DLGAP1: variants seen among roughly 807,000 people sequenced by gnomAD.
DLGAP1 encodes DLG associated protein 1.
DLGAP1 carries 11 observed loss-of-function variants against 90.8 expected under a neutral mutation model. That is an observed-to-expected ratio of 0.12 (90% CI 0.08 to 0.20). The LOEUF (loss-of-function observed/expected upper bound fraction) is 0.20, where lower values mean the gene tolerates loss of function less well. DLGAP1 is among the 10% of genes least tolerant of loss of function. DLGAP1 has a pLI of 1.00. For synonymous variants in DLGAP1, 558 were observed against 540.7 expected, an observed-to-expected ratio of 1.03 and a Z score of -0.44; for missense variants, 1,050 against 1,333.8, an observed-to-expected ratio of 0.79 and a Z score of 3.31.
chr18:4,168,864 G>A (rs954171310), intron 1 of DLGAP1, among the ~76,000 whole-genome samples: 6 of 152,168 alleles, frequency 3.9e-5, no homozygotes, highest in Non-Finnish European at 8.8e-5. Context: ...AACTACTGGT[G>A]TACACCACTA....
rs190352368 is a variant in DLGAP1 at position 3,617,947 on chromosome 18, G to C, written c.1592-35699C>G. ...AGCTACTCAGGAGATTGAGGTAGGA[G>C]AATTGTTTGAACCCGGGAGGCGGAG... is the stretch of plus-strand genomic sequence containing the variant. On this transcript the variant is annotated intron_variant, in intron 7 of 12. Coordinates refer to ENST00000315677, the MANE Select transcript of DLGAP1 (RefSeq NM_004746.4). 2.0e-5 allele frequency among the ~76,000 whole-genome samples: 3 copies of C among 152,234 alleles called. No individual in the cohort carries two copies. The East Asian group carries it at 5.8e-4, about 29-fold the overall frequency.
intron 2 of DLGAP1, among the ~76,000 whole-genome samples, chr18:4,011,261 C>T (rs112211973): frequency 1.2e-4 from 18 of 151,822 alleles, no homozygotes; most frequent in African/African-American, 4.1e-4. Flanking sequence ...ATGGTGACCC[C>T]GCTTTTATAA....
chr18:3,568,723 G>GT (rs2054575910), intron 8 of DLGAP1, among the ~76,000 whole-genome samples: 2 of 152,156 alleles, frequency 1.3e-5, no homozygotes, highest in Admixed American at 1.3e-4. Context: ...GTCTCACTTT[G>GT]TTACCCAGGC....
At chr18:3,578,655 A>AT (rs35788121) in intron 8 of DLGAP1, among the ~76,000 whole-genome samples, 23,495 of 148,838 alleles carry the variant, frequency 0.16, 1,854 homozygotes, top group African/African-American at 0.18. Context: ...GCACCCGGCC[A>AT]TTTTTTTTTT....
chr18:4,252,350 G>A (rs2078797311), intron 1 of DLGAP1, among the ~76,000 whole-genome samples: 1 of 152,184 alleles, frequency 6.6e-6, no homozygotes, highest in South Asian at 2.1e-4. Context: ...CCTGATACAT[G>A]AGCAATTTGG....
intron 1 of DLGAP1, among the ~76,000 whole-genome samples, chr18:4,354,698 AT>A (rs934221509): frequency 2.0e-5 from 3 of 151,760 alleles, no homozygotes; most frequent in Non-Finnish European, 2.9e-5. Flanking sequence ...ACTGCTCCTC[AT>A]CTTCATGGGT....
At position 4,378,082 on chromosome 18, in the gene DLGAP1, T is replaced by C. The variant is rs1379937145; in HGVS notation, c.-267+76924A>G. ...TATTATAAAATATATATATCACTTTTCAATCTTTTTTCTAATATATAACAT... is the reference window on the plus strand; with the variant it reads ...TATTATAAAATATATATATCACTTTCCAATCTTTTTTCTAATATATAACAT... On this transcript the variant is annotated intron_variant, in intron 1 of 12. Coordinates refer to ENST00000315677, the MANE Select transcript of DLGAP1 (RefSeq NM_004746.4). This position sits in a 1 kb window ranked among gnomAD's most constrained non-coding sequence, Gnocchi z 4.5. 3.4e-5 allele frequency among the ~76,000 whole-genome samples: 5 copies of C among 148,736 alleles called. No individual in the cohort carries two copies. The highest frequency in any genetic ancestry group is 6.7e-5 in the Admixed American group (1 of 14,834).
chr18:4,053,788 A>T (rs1442372), intron 2 of DLGAP1, among the ~76,000 whole-genome samples: 31,508 of 152,152 alleles, frequency 0.21, 3,448 homozygotes, highest in Admixed American at 0.28. Context: ...CTTTATACCA[A>T]TGTGAGAATG....
chr18:4,304,600 A>C (rs1296817005), intron 1 of DLGAP1, among the ~76,000 whole-genome samples: 1 of 152,244 alleles, frequency 6.6e-6, no homozygotes, highest in Non-Finnish European at 1.5e-5. Context: ...ATGTATTCTA[A>C]AGTTACTATC....
intron 1 of DLGAP1, among the ~76,000 whole-genome samples, chr18:4,348,014 A>G (rs1177154569): frequency 6.6e-6 from 1 of 152,154 alleles, no homozygotes; most frequent in Non-Finnish European, 1.5e-5. Context: ...CTTCATGTAC[A>G]TTGCATTATA....
intron 7 of DLGAP1, among the ~76,000 whole-genome samples, chr18:3,667,766 C>T (rs1348382076): frequency 1.3e-5 from 2 of 152,166 alleles, no homozygotes; most frequent in Non-Finnish European, 2.9e-5. Flanking sequence ...GAGTTCCACC[C>T]CCAAGGCTAG....
rs1468526153 is a variant in DLGAP1 at position 3,656,155 on chromosome 18, A to T, written c.1591+72980T>A. 3.3e-6 allele frequency: 5 copies of T among 1,529,208 alleles called. No homozygotes were observed. In the South Asian group the frequency reaches 6.2e-5, roughly 19 times the overall value. 94.7% of individuals were successfully genotyped at this position (1,529,208 alleles called of 1,614,324 possible). On this transcript the variant is annotated intron_variant, in intron 7 of 12. Transcript: ENST00000315677. ...AAGTGGCAGTTATATAATGGACCCAAATCGCCTTTTCCAGGCTTCTCATAA... is the reference window on the plus strand; with the variant it reads ...AAGTGGCAGTTATATAATGGACCCATATCGCCTTTTCCAGGCTTCTCATAA...
At chr18:3,583,975 G>A (rs1461883920) in intron 7 of DLGAP1, among the ~76,000 whole-genome samples, 1 of 152,022 alleles carries the variant, frequency 6.6e-6, no homozygotes, top group Non-Finnish European at 1.5e-5. Context: ...CTGAATCTAG[G>A]CTGCTGAGTA....
At chr18:3,642,284 C>T (rs2058969304) in intron 7 of DLGAP1, among the ~76,000 whole-genome samples, 1 of 152,122 alleles carries the variant, frequency 6.6e-6, no homozygotes, top group Non-Finnish European at 1.5e-5. Flanking sequence ...GTTGAGCATC[C>T]CAAATCTGAA....
chr18:4,033,128 G>A (rs998929012), intron 2 of DLGAP1, among the ~76,000 whole-genome samples: 1 of 151,888 alleles, frequency 6.6e-6, no homozygotes, highest in Admixed American at 6.6e-5. Context: ...CCTAGTTTCT[G>A]CCCTAATCAT....
At chr18:3,940,618 C>T (rs1456296769) in intron 3 of DLGAP1, among the ~76,000 whole-genome samples, 3 of 152,122 alleles carry the variant, frequency 2.0e-5, no homozygotes, top group Middle Eastern at 3.2e-3. Context: ...AATAAGTAAC[C>T]ACCTAGTTCA....
intron 4 of DLGAP1, among the ~76,000 whole-genome samples, chr18:3,869,018 G>C (rs1179539999): frequency 6.6e-6 from 1 of 152,168 alleles, no homozygotes; most frequent in Non-Finnish European, 1.5e-5. Context: ...ATGGTGGATA[G>C]AGTTCCCTTG....
At chr18:3,772,374 T>TTC (rs1568109141) in intron 5 of DLGAP1, among the ~76,000 whole-genome samples, 1 of 15,658 alleles carries the variant, frequency 6.4e-5, no homozygotes, top group Non-Finnish European at 2.7e-4. Context: ...CTTTCTTTCT[T>TTC]TCTTTCTTTC....
intron 2 of DLGAP1, among the ~76,000 whole-genome samples, chr18:4,077,765 AT>A (rs2075544996): frequency 6.6e-6 from 1 of 152,206 alleles, no homozygotes; most frequent in Non-Finnish European, 1.5e-5. Context: ...AGCCTCAGGG[AT>A]TCCTTTATAG....
Sources: gnomAD v4.1 joint callset for allele counts (sites outside exome capture counted in the v4.1 genomes callset) on GRCh38, gnomAD v4.1.1 for gene constraint, Gnocchi (gnomAD v3.1) non-coding constraint, MANE v1.5 for transcripts, NCBI Gene and HGNC (gene_info 2026-07-23, HGNC 2026-07-21) for gene names.